The following KAZN variants were observed in gnomAD, a reference collection of about 807,000 sequenced individuals.
KAZN encodes kazrin.
A neutral mutation model predicts 87.4 loss-of-function variants in KAZN; 40 were observed. The ratio of observed to expected loss-of-function variants is 0.46; its 90% CI spans 0.36 to 0.60. The LOEUF (loss-of-function observed/expected upper bound fraction) is 0.60. Ranked by LOEUF, KAZN falls within the 20% of genes least tolerant of loss-of-function variation. KAZN has a pLI of 0.00. For missense variants in KAZN, 898 were observed against 1,073.9 expected (o/e 0.84, Z 2.29); for synonymous variants, 466 against 458.3 (o/e 1.02, Z -0.22).
intron 1 of KAZN, among the ~76,000 whole-genome samples, chr1:14,841,478 G>A (rs1371667424): frequency 1.3e-5 from 2 of 150,290 alleles, no homozygotes; most frequent in Non-Finnish European, 2.9e-5. Flanking sequence ...GCCAAGTAGG[G>A]AGAGGACACT....
At chr1:14,880,956 T>C (rs911942743) in intron 1 of KAZN, among the ~76,000 whole-genome samples, 3 of 152,214 alleles carry the variant, frequency 2.0e-5, no homozygotes, top group African/African-American at 7.2e-5. Flanking sequence ...GATAACTCTT[T>C]GCCGGTGAAT....
At chr1:15,098,365 G>A (rs1640889239) in intron 10 of KAZN, among the ~76,000 whole-genome samples, 1 of 152,214 alleles carries the variant, frequency 6.6e-6, no homozygotes, top group South Asian at 2.1e-4. Context: ...CGGCCCCATG[G>A]GGACACCCTT....
intron 1 of KAZN, among the ~76,000 whole-genome samples, chr1:14,001,363 C>G (rs761820427): frequency 6.6e-5 from 10 of 151,956 alleles, no homozygotes; most frequent in Non-Finnish European, 1.3e-4. Flanking sequence ...AGGACACAAA[C>G]AAATAAAAAA....
At chr1:14,867,979 T>C (rs1054117198) in intron 1 of KAZN, among the ~76,000 whole-genome samples, 5 of 71,974 alleles carry the variant, frequency 6.9e-5, no homozygotes, top group Non-Finnish European at 7.3e-5. Context: ...GCATCGCATA[T>C]GCAGGCATTG....
At chr1:14,515,009 C>G (rs556880753) in intron 2 of KAZN, among the ~76,000 whole-genome samples, 1 of 152,252 alleles carries the variant, frequency 6.6e-6, no homozygotes, top group South Asian at 2.1e-4. Context: ...GATCATCTTA[C>G]TCTTTTTATC....
chr1:14,299,024 A>G (rs1654336449), intron 2 of KAZN, among the ~76,000 whole-genome samples: 1 of 152,180 alleles, frequency 6.6e-6, no homozygotes. Flanking sequence ...GCTATTGTTA[A>G]TGCAACCAGA....
chr1:14,681,715 C>T (rs11806811), intron 1 of KAZN, among the ~76,000 whole-genome samples: 1,970 of 108,688 alleles, frequency 0.018, 75 homozygotes, highest in African/African-American at 0.066. Flanking sequence ...CTCGCTCTGT[C>T]GCCCAGGCTG....
intron 1 of KAZN, among the ~76,000 whole-genome samples, chr1:14,817,236 C>T (rs1646595334): frequency 6.6e-6 from 1 of 152,178 alleles, no homozygotes; most frequent in African/African-American, 2.4e-5. Flanking sequence ...TTGGCGACCC[C>T]CTGCCAAATA....
intron 1 of KAZN, among the ~76,000 whole-genome samples, chr1:14,627,079 AC>A (rs1679197083): frequency 6.6e-6 from 1 of 151,930 alleles, no homozygotes; most frequent in African/African-American, 2.4e-5. Context: ...GAACAGACAG[AC>A]CAGTAGGGGG....
intron 1 of KAZN, among the ~76,000 whole-genome samples, chr1:13,971,595 G>T (rs1314286940): frequency 6.9e-6 from 1 of 144,702 alleles, no homozygotes; most frequent in Non-Finnish European, 1.5e-5. Context: ...ATCTTGTGAG[G>T]TTTTTTTTTT....
At chr1:13,929,872 G>T (rs529745912) in intron 1 of KAZN, among the ~76,000 whole-genome samples, 1 of 152,214 alleles carries the variant, frequency 6.6e-6, no homozygotes, top group Non-Finnish European at 1.5e-5. Flanking sequence ...CGTAGCAACT[G>T]CCTGCAGTAG....
chr1:14,422,492 G>A (rs1665490020), intron 2 of KAZN, among the ~76,000 whole-genome samples: 1 of 152,184 alleles, frequency 6.6e-6, no homozygotes, highest in Non-Finnish European at 1.5e-5. Context: ...CTTAAGTGAT[G>A]TTCACTAAGC....
At chr1:14,600,763 G>A (rs993825302) in intron 1 of KAZN, among the ~76,000 whole-genome samples, 2 of 151,896 alleles carry the variant, frequency 1.3e-5, no homozygotes, top group African/African-American at 4.8e-5. Context: ...CTAAGAACTG[G>A]CATTTTGCTA....
intron 2 of KAZN, among the ~76,000 whole-genome samples, chr1:14,351,431 G>A (rs1658542086): frequency 6.6e-6 from 1 of 152,224 alleles, no homozygotes; most frequent in South Asian, 2.1e-4. Flanking sequence ...AGCTGGGTGT[G>A]GCAGCACATG....
intron 2 of KAZN, among the ~76,000 whole-genome samples, chr1:14,512,239 C>T (rs555195179): frequency 6.6e-6 from 1 of 152,166 alleles, no homozygotes; most frequent in Non-Finnish European, 1.5e-5. Context: ...TTTGGAGGGA[C>T]GATGTGAATT....
intron 8 of KAZN, among the ~76,000 whole-genome samples, chr1:15,090,327 T>C (rs1332504246): frequency 6.6e-6 from 1 of 152,048 alleles, no homozygotes; most frequent in Non-Finnish European, 1.5e-5. Context: ...TAAAACAGAG[T>C]GAAGCCAGCC....
intron 2 of KAZN, among the ~76,000 whole-genome samples, chr1:14,477,294 C>T (rs891088762): frequency 1.8e-4 from 28 of 152,172 alleles, no homozygotes; most frequent in African/African-American, 4.3e-4. Flanking sequence ...CCTTGCCTTC[C>T]GCCATGATTG....
In KAZN at chr1:15,007,670, A is replaced by G. The variant is rs1669162145; in HGVS notation, c.419-27079A>G. On this transcript the variant is annotated intron_variant, in intron 2 of 14. Transcript: ENST00000376030. Reference sequence around the variant, plus strand: ...CTTCCTGGTTTCTGCTCTGCCGGGCAGGTAGCTCACCTGCCCGCCTCCATA... The same window carrying G: ...CTTCCTGGTTTCTGCTCTGCCGGGCGGGTAGCTCACCTGCCCGCCTCCATA... Among the ~76,000 whole-genome samples the G allele has an allele frequency of 3.3e-5, 5 of 152,162 alleles. No homozygotes were observed. In the South Asian group the frequency reaches 8.3e-4, roughly 25 times the overall value.
intron 2 of KAZN, among the ~76,000 whole-genome samples, chr1:14,446,070 C>A (rs1048448997): frequency 6.6e-6 from 1 of 151,970 alleles, no homozygotes; most frequent in Non-Finnish European, 1.5e-5. Context: ...CTGGTGCACA[C>A]CTGTAGGCCC....
Sources: allele counts gnomAD v4.1 joint callset (sites outside exome capture counted in the v4.1 genomes callset), GRCh38; gene constraint gnomAD v4.1.1; transcripts MANE v1.5; gene names NCBI Gene and HGNC (gene_info 2026-07-23, HGNC 2026-07-21).